FSHR: variants seen among roughly 807,000 people sequenced by gnomAD.
FSHR encodes the protein follicle-stimulating hormone receptor.
Under a neutral mutation model 52.1 loss-of-function variants are expected in FSHR, and 46 were observed. The observed-to-expected ratio is 0.88, with a 90% CI of 0.70 to 1.13. The LOEUF is 1.13. FSHR is among the 50% of genes most tolerant of loss of function. The pLI, the probability that FSHR is intolerant of heterozygous loss-of-function variation, is 0.00. For missense variants in FSHR, 964 were observed against 834.6 expected (o/e 1.16, Z -1.91); for synonymous variants, 399 against 309.6 (o/e 1.29, Z -3.03).
intron 1 of FSHR, among the ~76,000 whole-genome samples, chr2:49,147,369 G>A (rs897265343): frequency 3.9e-5 from 6 of 152,054 alleles, no homozygotes; most frequent in Admixed American, 6.6e-5. Flanking sequence ...ATCAACCACA[G>A]TGGCTAGATA....
At chr2:49,021,886 TAGAGAGAGAGAG>T (rs58926557) in intron 2 of FSHR, among the ~76,000 whole-genome samples, 10 of 25,124 alleles carry the variant, frequency 4.0e-4, no homozygotes, top group South Asian at 2.0e-3. Context: ...TATATATATA[TAGAGAGAGAGAG>T]AGAGAGAGAG....
intron 1 of FSHR, among the ~76,000 whole-genome samples, chr2:49,098,845 A>G (rs1057326952): frequency 2.0e-5 from 3 of 146,510 alleles, no homozygotes; most frequent in African/African-American, 7.5e-5. Context: ...ATATTATATT[A>G]TATATACTTT....
intron 1 of FSHR, among the ~76,000 whole-genome samples, chr2:49,120,787 T>G (rs1671789972): frequency 6.6e-6 from 1 of 152,232 alleles, no homozygotes; most frequent in Non-Finnish European, 1.5e-5. Context: ...TAAAAGAGCT[T>G]ACCACATTTG....
intron 2 of FSHR, among the ~76,000 whole-genome samples, chr2:49,034,056 T>C (rs17038095): frequency 0.12 from 17,516 of 152,178 alleles, 1,679 homozygotes; most frequent in African/African-American, 0.26. Flanking sequence ...CTGCAGAAAG[T>C]AAACACAAAG....
At chr2:48,968,552 T>G (rs1427232831) in intron 9 of FSHR, 146 bp downstream of exon 9, 22 of 925,136 alleles carry the variant, frequency 2.4e-5, no homozygotes, top group Admixed American at 6.1e-5. Context: ...CTCCATGAAC[T>G]GAATTTTTGA....
chr2:48,970,417 A>G (rs971934818), intron 8 of FSHR, among the ~76,000 whole-genome samples: 3 of 152,134 alleles, frequency 2.0e-5, no homozygotes, highest in African/African-American at 7.2e-5. Context: ...TCACAGGTAG[A>G]ATGCTCCTTC....
At chr2:49,027,365 G>T (rs762307679) in intron 2 of FSHR, among the ~76,000 whole-genome samples, 10 of 152,160 alleles carry the variant, frequency 6.6e-5, no homozygotes, top group South Asian at 2.1e-4. Flanking sequence ...ATTTGGGAGA[G>T]ATTTAAGTTT....
chr2:49,021,884 TATAGAGAGAG>T (rs1346259954), intron 2 of FSHR, among the ~76,000 whole-genome samples: 78 of 36,548 alleles, frequency 2.1e-3, no homozygotes, highest in African/African-American at 7.3e-3. Flanking sequence ...TATATATATA[TATAGAGAGAG>T]AGAGAGAGAG....
intron 4 of FSHR, among the ~76,000 whole-genome samples, chr2:49,011,809 A>G (rs6725098): frequency 0.74 from 112,590 of 151,932 alleles, 42,003 homozygotes; most frequent in Admixed American, 0.8. Context: ...TTGACTCCCT[A>G]CCCTCTGTCC....
At chr2:48,967,059 A>T (rs1479768929) in intron 9 of FSHR, among the ~76,000 whole-genome samples, 1 of 152,178 alleles carries the variant, frequency 6.6e-6, no homozygotes, top group Non-Finnish European at 1.5e-5. Flanking sequence ...AACTGGGCCA[A>T]ATAGCACACT....
intron 3 of FSHR, among the ~76,000 whole-genome samples, chr2:49,018,980 G>A (rs780610229): frequency 7.9e-5 from 12 of 152,166 alleles, no homozygotes; most frequent in Non-Finnish European, 2.9e-5. Flanking sequence ...TTTGTGTGTG[G>A]ATTTGGACAG....
At chr2:49,095,400 T>C (rs1010219017) in intron 1 of FSHR, among the ~76,000 whole-genome samples, 17 of 152,114 alleles carry the variant, frequency 1.1e-4, no homozygotes, top group African/African-American at 3.9e-4. Context: ...GAATAAATGG[T>C]GCTGGGACAA....
chr2:49,054,067 C>T (rs532715169), intron 2 of FSHR, among the ~76,000 whole-genome samples: 6 of 152,310 alleles, frequency 3.9e-5, no homozygotes, highest in Middle Eastern at 6.8e-3. Context: ...AAGTGAGGTA[C>T]ATTCTGCAAT....
At chr2:49,054,774 A>G (rs1668997049) in intron 2 of FSHR, among the ~76,000 whole-genome samples, 1 of 152,224 alleles carries the variant, frequency 6.6e-6, no homozygotes, top group Non-Finnish European at 1.5e-5. Flanking sequence ...AAACATTACT[A>G]GCATGGATTA....
intron 1 of FSHR, among the ~76,000 whole-genome samples, chr2:49,152,345 T>C (rs1021262876): frequency 2.6e-5 from 4 of 152,154 alleles, no homozygotes; most frequent in African/African-American, 9.6e-5. Context: ...CTTTCCTTAG[T>C]TGCAAAATGC....
At chr2:49,063,108 G>C (rs1332344000) in intron 2 of FSHR, among the ~76,000 whole-genome samples, 1 of 152,088 alleles carries the variant, frequency 6.6e-6, no homozygotes, top group Non-Finnish European at 1.5e-5. Flanking sequence ...GCAAGGAGAG[G>C]CCCTAAATGC....
At chr2:49,039,130 G>C (rs35382398) in intron 2 of FSHR, among the ~76,000 whole-genome samples, 41,536 of 151,818 alleles carry the variant, frequency 0.27, 6,812 homozygotes, top group Non-Finnish European at 0.38. Context: ...TTTTTTACAG[G>C]TTATTTTGTT....
At chr2:48,984,060 G>C (rs1224182217) in intron 6 of FSHR, among the ~76,000 whole-genome samples, 1 of 152,140 alleles carries the variant, frequency 6.6e-6, no homozygotes, top group African/African-American at 2.4e-5. Flanking sequence ...TCCCTGTCCA[G>C]CTTAGTGGGC....
At position 48,993,890 on chromosome 2, in the gene FSHR, G is replaced by C. The variant is rs1282954820; in HGVS notation, c.375-3253C>G. Among the ~76,000 whole-genome samples the C allele has an allele frequency of 1.1e-4, 16 of 152,254 alleles. No individual in the cohort carries two copies. The East Asian group carries it at 3.1e-3, about 29-fold the overall frequency. The stretch of plus-strand genomic sequence containing the variant: ...GTTACACATGTCATTTCTTCAAAAA[G>C]GAGCTCCATATATGCTAAACTAAAT... On this transcript the variant is annotated intron_variant, in intron 4 of 9. Coordinates refer to ENST00000406846, the MANE Select transcript of FSHR (RefSeq NM_000145.4).
Sources: gnomAD v4.1 joint callset for allele counts (sites outside exome capture counted in the v4.1 genomes callset) on GRCh38, gnomAD v4.1.1 for gene constraint, MANE v1.5 for transcripts, NCBI Gene and HGNC (gene_info 2026-07-23, HGNC 2026-07-21) for gene names.